RALYL: variants seen among roughly 807,000 people sequenced by gnomAD.
RALYL encodes the protein RNA-binding Raly-like protein.
A neutral mutation model predicts 35.1 loss-of-function variants in RALYL; 29 were observed. The ratio of observed to expected loss-of-function variants is 0.83; its 90% CI spans 0.61 to 1.13. The LOEUF is 1.13. Among genes scored for constraint, RALYL ranks in the 50% most tolerant of loss-of-function variants. The pLI is 0.00. For synonymous variants in RALYL, 120 were observed against 127.6 expected (o/e 0.94, Z 0.40); for missense variants, 359 against 360.4 (o/e 1.00, Z 0.03).
chr8:84,374,847 C>G (rs1483849109), intron 1 of RALYL, among the ~76,000 whole-genome samples: 2 of 151,500 alleles, frequency 1.3e-5, no homozygotes, highest in Non-Finnish European at 2.9e-5. Context: ...CACATGTACT[C>G]CTGAACCTAA....
intron 4 of RALYL, among the ~76,000 whole-genome samples, chr8:84,834,054 A>C (rs1216541226): frequency 6.6e-6 from 1 of 152,232 alleles, no homozygotes; most frequent in East Asian, 1.9e-4. Flanking sequence ...AAACTTTGAA[A>C]AAATCATTTT....
At chr8:84,863,590 A>G (rs183749109) in intron 6 of RALYL, among the ~76,000 whole-genome samples, 16 of 152,338 alleles carry the variant, frequency 1.1e-4, no homozygotes, top group Admixed American at 4.6e-4. Flanking sequence ...TAGACATAGT[A>G]GAGTCTCTTA....
intron 1 of RALYL, among the ~76,000 whole-genome samples, chr8:84,412,227 G>A (rs2044177329): frequency 6.6e-6 from 1 of 151,792 alleles, no homozygotes; most frequent in African/African-American, 2.4e-5. Flanking sequence ...TATATTAAAA[G>A]CTATGAGGAA....
chr8:84,518,385 A>G (rs904800940), intron 1 of RALYL, among the ~76,000 whole-genome samples: 1 of 152,182 alleles, frequency 6.6e-6, no homozygotes, highest in Admixed American at 6.5e-5. Flanking sequence ...ATGATAGACT[A>G]TTGCATCAAT....
chr8:84,813,404 A>T (rs1402306915), intron 4 of RALYL, among the ~76,000 whole-genome samples: 1 of 152,196 alleles, frequency 6.6e-6, no homozygotes, highest in Non-Finnish European at 1.5e-5. Context: ...CTGTCTGTCC[A>T]AGTGGGAACT....
At chr8:84,486,957 A>G (rs1040289541) in intron 1 of RALYL, among the ~76,000 whole-genome samples, 3 of 152,102 alleles carry the variant, frequency 2.0e-5, no homozygotes, top group Admixed American at 6.6e-5. Context: ...TTTACGCCCA[A>G]GGGGGAGTTG....
chr8:84,812,615 G>C (rs139455160), intron 4 of RALYL, among the ~76,000 whole-genome samples: 1 of 152,240 alleles, frequency 6.6e-6, no homozygotes, highest in Non-Finnish European at 1.5e-5. Context: ...TGGCTGCTGT[G>C]GGGGACGGAG....
intron 1 of RALYL, among the ~76,000 whole-genome samples, chr8:84,464,653 C>A (rs1339058353): frequency 6.6e-6 from 1 of 151,834 alleles, no homozygotes; most frequent in African/African-American, 2.4e-5. Context: ...TGGGTATATA[C>A]CCAGTAATGG....
At chr8:84,467,136 A>G (rs920263689) in intron 1 of RALYL, among the ~76,000 whole-genome samples, 1 of 151,728 alleles carries the variant, frequency 6.6e-6, no homozygotes, top group Non-Finnish European at 1.5e-5. Flanking sequence ...TTGTGTCACT[A>G]TTTCCTTCAG....
intron 1 of RALYL, among the ~76,000 whole-genome samples, chr8:84,459,618 C>A (rs558262044): frequency 1.1e-4 from 17 of 151,850 alleles, no homozygotes; most frequent in African/African-American, 3.9e-4. Context: ...ATGTTTCTAA[C>A]TGTGGGAAAT....
At chr8:84,574,368 A>G (rs921859663) in intron 2 of RALYL, among the ~76,000 whole-genome samples, 3 of 151,970 alleles carry the variant, frequency 2.0e-5, no homozygotes, top group African/African-American at 7.2e-5. Context: ...TTTTCCATAT[A>G]TATTCATGGC....
intron 4 of RALYL, among the ~76,000 whole-genome samples, chr8:84,836,186 C>T (rs1242318376): frequency 6.6e-6 from 1 of 152,044 alleles, no homozygotes; most frequent in Non-Finnish European, 1.5e-5. Context: ...GATTTTTCTT[C>T]CTCCTTTTCT....
intron 1 of RALYL, among the ~76,000 whole-genome samples, chr8:84,217,051 T>C (rs1821001412): frequency 6.6e-6 from 1 of 152,144 alleles, no homozygotes; most frequent in Admixed American, 6.6e-5. Flanking sequence ...TAATAGGTTA[T>C]AACCCTTTTA....
At chr8:84,483,325 G>T (rs1473348477) in intron 1 of RALYL, among the ~76,000 whole-genome samples, 1 of 151,958 alleles carries the variant, frequency 6.6e-6, no homozygotes, top group South Asian at 2.1e-4. Context: ...TACTAGACTT[G>T]GTGTGTAACT....
chr8:84,670,715 G>A (rs528289149), intron 2 of RALYL, among the ~76,000 whole-genome samples: 1 of 152,142 alleles, frequency 6.6e-6, no homozygotes, highest in South Asian at 2.1e-4. Flanking sequence ...GAACAGCATG[G>A]GAAAGCCCAC....
chr8:84,790,938 T>G (rs1820625872), intron 3 of RALYL, among the ~76,000 whole-genome samples: 2 of 152,200 alleles, frequency 1.3e-5, no homozygotes. Flanking sequence ...AGGTTATAAT[T>G]CACCGTGTAC....
intron 1 of RALYL, among the ~76,000 whole-genome samples, chr8:84,404,323 CTT>C (rs1563861856): frequency 6.6e-6 from 1 of 151,974 alleles, no homozygotes; most frequent in African/African-American, 2.4e-5. Flanking sequence ...ATAAATAGCT[CTT>C]ATTATTTTGA....
At chr8:84,569,165 G>T (rs1386397711) in intron 2 of RALYL, among the ~76,000 whole-genome samples, 1 of 151,920 alleles carries the variant, frequency 6.6e-6, no homozygotes. Context: ...TTCTTCTAGG[G>T]TTTTTATGGT....
At chr8:84,858,874 T>A (rs1837561414) in intron 5 of RALYL, among the ~76,000 whole-genome samples, 1 of 152,194 alleles carries the variant, frequency 6.6e-6, no homozygotes, top group Non-Finnish European at 1.5e-5. Context: ...TATTTCTAAT[T>A]GACTCAAGAG....
Sources: gnomAD v4.1 joint callset for allele counts (sites outside exome capture counted in the v4.1 genomes callset) on GRCh38, gnomAD v4.1.1 for gene constraint, MANE v1.5 for transcripts, NCBI Gene and HGNC (gene_info 2026-07-23, HGNC 2026-07-21) for gene names.